The following STON2 variants were observed in gnomAD, a reference collection of about 807,000 sequenced individuals.
STON2 encodes the protein stonin 2, also known as stonin-2.
In STON2, 29 loss-of-function variants were observed where a neutral mutation model predicts 65.7. That is an observed-to-expected ratio of 0.44 (90% CI 0.33 to 0.60). The LOEUF (loss-of-function observed/expected upper bound fraction) is 0.60, where lower values mean the gene tolerates loss of function less well. STON2 is among the 20% of genes least tolerant of loss of function. The pLI is 0.03. For synonymous variants in STON2, 404 were observed against 414.2 expected (o/e 0.98, Z 0.30); for missense variants, 1,054 against 1,118.1 (o/e 0.94, Z 0.82).
chr14:81,329,454 C>CA lies in STON2; in HGVS notation c.572-5268dup, dbSNP rs56370265. On this transcript the variant is annotated intron_variant, in intron 4 of 7. Transcript: ENST00000614646. The stretch of plus-strand genomic sequence containing the variant: ...TGGGCAACAGAGCTAGACTCTGTCT[C>CA]AAAAAAAAAAAAAAAAAAGAGAGAG... Among the ~76,000 whole-genome samples the CA allele has an allele frequency of 4.6e-3, 547 of 118,440 alleles. 3 individuals carry two copies. Among genetic ancestry groups the CA allele is most frequent in the African/African-American group, 5.6e-3 (185 of 32,918 alleles). 77.7% of individuals were successfully genotyped at this position (118,440 alleles called of 152,430 possible).
At chr14:81,435,284 A>G (rs528701187) in intron 1 of STON2, among the ~76,000 whole-genome samples, 26 of 152,302 alleles carry the variant, frequency 1.7e-4, no homozygotes, top group African/African-American at 6.0e-4. Flanking sequence ...TTTCAAGTGT[A>G]GAAAGCTGTT....
chr14:81,274,507 CCT>C (rs1428540404), intron 6 of STON2, among the ~76,000 whole-genome samples: 1 of 151,948 alleles, frequency 6.6e-6, no homozygotes, highest in Non-Finnish European at 1.5e-5. Flanking sequence ...ATCCATCCTC[CCT>C]CTCTTCTGGT....
At chr14:81,340,486 A>G (rs940735649) in intron 4 of STON2, among the ~76,000 whole-genome samples, 1 of 152,208 alleles carries the variant, frequency 6.6e-6, no homozygotes, top group Non-Finnish European at 1.5e-5. Flanking sequence ...GGGCCCTTAA[A>G]ATCAGGGGAG....
intron 2 of STON2, among the ~76,000 whole-genome samples, chr14:81,425,502 G>A (rs1038909257): frequency 1.3e-5 from 2 of 152,032 alleles, no homozygotes; most frequent in Admixed American, 6.6e-5. Flanking sequence ...AATTCAGGAG[G>A]CAGAGATTGC....
At chr14:81,319,003 C>T (rs1294121115) in intron 5 of STON2, among the ~76,000 whole-genome samples, 2 of 152,194 alleles carry the variant, frequency 1.3e-5, no homozygotes, top group African/African-American at 4.8e-5. Context: ...CTTGTAGCCC[C>T]ATCTCTGCCA....
At chr14:81,363,607 A>T (rs968385038) in intron 4 of STON2, among the ~76,000 whole-genome samples, 2 of 147,344 alleles carry the variant, frequency 1.4e-5, no homozygotes, top group African/African-American at 4.9e-5. Context: ...TGAAAGAGTG[A>T]AAAGATGTGA....
chr14:81,329,471 AAG>A (rs1310517094), intron 4 of STON2, among the ~76,000 whole-genome samples: 12 of 146,174 alleles, frequency 8.2e-5, no homozygotes, highest in Admixed American at 4.1e-4. Context: ...AAAAAAAAAA[AAG>A]AGAGAGACAA....
chr14:81,261,699 T>G lies in STON2; in HGVS notation c.*6715A>C. The G allele has an allele frequency of 7.8e-7, 1 of 1,288,178 alleles. No individual in the cohort carries two copies. The allele number at this position is 1,288,178 out of a possible 1,614,324, so 79.8% of individuals were successfully genotyped here. On this transcript the variant is annotated 3_prime_UTR_variant, in exon 8 of 8. Transcript: ENST00000614646. ...TTGATTATCCTATCATCCCCAGTAC[T>G]TGGAGGGTTAGACCTACTTCTGTGT...
intron 4 of STON2, among the ~76,000 whole-genome samples, chr14:81,352,537 A>G (rs1349153594): frequency 6.6e-6 from 1 of 152,116 alleles, no homozygotes; most frequent in Non-Finnish European, 1.5e-5. Context: ...TCTCCCCTAC[A>G]GGATTGGGAA....
At chr14:81,285,012 A>G (rs1251434289) in intron 5 of STON2, among the ~76,000 whole-genome samples, 5 of 152,218 alleles carry the variant, frequency 3.3e-5, no homozygotes, top group Non-Finnish European at 7.3e-5. Context: ...GGTTCCTTCC[A>G]AAAATATTAC....
chr14:81,281,540 A>G (rs1895119115), intron 5 of STON2, among the ~76,000 whole-genome samples: 2 of 152,238 alleles, frequency 1.3e-5, no homozygotes, highest in African/African-American at 4.8e-5. Context: ...CCTGTAGTTT[A>G]AAACAAGCTG....
Position 81,265,754 on chromosome 14 carries a change from G to T in STON2, c.*2660C>A. The T allele has an allele frequency of 1.0e-6, 1 of 977,558 alleles. No homozygotes were observed. Among genetic ancestry groups the T allele is most frequent in the Non-Finnish European group, 1.2e-6 (1 of 826,362 alleles). 60.6% of individuals were successfully genotyped at this position (977,558 alleles called of 1,614,324 possible). ...ATAGAAGGGATTTTTCCCAACTCTT[G>T]GTAAAAAAAACAAAAAAGTCCAGGT... is the stretch of plus-strand genomic sequence containing the variant. On this transcript the variant is annotated 3_prime_UTR_variant, in exon 8 of 8. Transcript: ENST00000614646.
intron 2 of STON2, among the ~76,000 whole-genome samples, chr14:81,416,882 C>G (rs1901462869): frequency 6.6e-6 from 1 of 152,214 alleles, no homozygotes; most frequent in Non-Finnish European, 1.5e-5. Flanking sequence ...CCAACACTCT[C>G]TATACCAAGA....
intron 1 of STON2, among the ~76,000 whole-genome samples, chr14:81,398,812 A>C (rs1900462204): frequency 6.6e-6 from 1 of 152,158 alleles, no homozygotes; most frequent in East Asian, 1.9e-4. Flanking sequence ...TAATTACACA[A>C]ATTTCAGCAA....
chr14:81,394,418 G>A (rs1198925057), intron 3 of STON2, among the ~76,000 whole-genome samples: 1 of 152,028 alleles, frequency 6.6e-6, no homozygotes, highest in Admixed American at 6.5e-5. Context: ...CTTTTTGCTA[G>A]TAGGTCTCTG....
At chr14:81,368,929 G>A (rs1294620227) in intron 4 of STON2, among the ~76,000 whole-genome samples, 3 of 152,168 alleles carry the variant, frequency 2.0e-5, no homozygotes, top group East Asian at 1.9e-4. Flanking sequence ...CCTGTTTGCC[G>A]CTTCCAACCT....
At position 81,276,886 on chromosome 14, in the gene STON2, G is replaced by T; in HGVS notation, c.2581+15C>A. The T allele has an allele frequency of 6.2e-7, 1 of 1,600,224 alleles. No homozygotes were observed. Among genetic ancestry groups the T allele is most frequent in the Non-Finnish European group, 8.5e-7 (1 of 1,171,222 alleles). On this transcript the variant is annotated intron_variant, in intron 6 of 7. Coordinates refer to ENST00000614646, the MANE Select transcript of STON2 (RefSeq NM_001394390.1). ...ACTGTATGTTTGTTTTCACAGAAGA[G>T]GAACCACCACCCACCTGAGTTTTTG...
At position 81,297,059 on chromosome 14, in the gene STON2, C is replaced by T. The variant is rs1007328239; in HGVS notation, c.743-18320G>A. Reference sequence around the variant, plus strand: ...ACCCTACAGGGCCCTTGGGGACTTCCGGAGTGTGTCAGGCACTTTGGTGAC... The same window carrying T: ...ACCCTACAGGGCCCTTGGGGACTTCTGGAGTGTGTCAGGCACTTTGGTGAC... On this transcript the variant is annotated intron_variant, in intron 5 of 7. Coordinates refer to ENST00000614646, the MANE Select transcript of STON2 (RefSeq NM_001394390.1). 5.9e-5 allele frequency among the ~76,000 whole-genome samples: 9 copies of T among 152,128 alleles called. No individual in the cohort carries two copies. In the South Asian group the frequency reaches 8.3e-4, roughly 14 times the overall value.
intron 4 of STON2, among the ~76,000 whole-genome samples, chr14:81,325,170 G>A (rs1896961800): frequency 6.6e-6 from 1 of 152,130 alleles, no homozygotes; most frequent in Non-Finnish European, 1.5e-5. Context: ...CTGACCTAAG[G>A]CTAGATACCT....
Sources: gnomAD v4.1 joint callset for allele counts (sites outside exome capture counted in the v4.1 genomes callset) on GRCh38, gnomAD v4.1.1 for gene constraint, MANE v1.5 for transcripts, NCBI Gene and HGNC (gene_info 2026-07-23, HGNC 2026-07-21) for gene names.